PLAGL1: variants seen among roughly 807,000 people sequenced by gnomAD.
PLAGL1 encodes zinc finger protein PLAGL1.
A neutral mutation model predicts 4.6 loss-of-function variants in PLAGL1; 1 was observed. The ratio of observed to expected loss-of-function variants is 0.22; its 90% CI spans 0.08 to 1.03. The LOEUF (loss-of-function observed/expected upper bound fraction) is 1.03. Ranked by LOEUF, PLAGL1 falls within the 50% of genes least tolerant of loss-of-function variation. PLAGL1 has a pLI of 0.58. For synonymous variants in PLAGL1, 240 were observed against 237.8 expected (o/e 1.01, Z -0.08); for missense variants, 464 against 570.4 (o/e 0.81, Z 1.90).
chr6:143,971,216 G>A lies in PLAGL1; in HGVS notation c.-543-2238C>T, dbSNP rs1785360613. 6.6e-6 allele frequency among the ~76,000 whole-genome samples: 1 copy of A among 151,764 alleles called. No individual in the cohort carries two copies. ...TCTCAGAATCACATCCCGCTGACCC[G>A]ACGTTATTTGTACAACCCATACAAA... On this transcript the variant is annotated intron_variant, in intron 2 of 7. Coordinates refer to ENST00000674357, the MANE Select transcript of PLAGL1 (RefSeq NM_001317162.2). This position sits in a 1 kb window ranked among gnomAD's most constrained non-coding sequence, Gnocchi z 4.7.
Position 144,034,551 on chromosome 6 carries a change from G to A in PLAGL1, c.-151+29917C>T, listed in dbSNP as rs974189209. 2.0e-5 allele frequency among the ~76,000 whole-genome samples: 3 copies of A among 152,178 alleles called. No individual in the cohort carries two copies. Among genetic ancestry groups the A allele is most frequent in the African/African-American group, 4.8e-5 (2 of 41,438 alleles). The stretch of plus-strand genomic sequence containing the variant: ...GTTCAATAAATCATCTGCCAGAAAG[G>A]AAGTGTGCAGCTAATTCAGTCCTCC... On this transcript the variant is annotated intron_variant, in intron 1 of 3. Transcript: ENST00000437412. The surrounding 1 kb of genome is among the most constrained non-coding windows in gnomAD (Gnocchi z 4.7).
rs1485222656 is a variant in PLAGL1, at chr6:143,953,655, C to T, written c.-324-5195G>A. 6.6e-6 allele frequency among the ~76,000 whole-genome samples: 1 copy of T among 152,102 alleles called. No individual in the cohort carries two copies. Among genetic ancestry groups the T allele is most frequent in the Non-Finnish European group, 1.5e-5 (1 of 68,020 alleles). ...CTAAAACAGTAATAGTGGGATTTTT[C>T]TAAAACACAGCCTAATATAAAAGGG... On this transcript the variant is annotated intron_variant, in intron 6 of 7. Transcript: ENST00000674357. This position sits in a 1 kb window ranked among gnomAD's most constrained non-coding sequence, Gnocchi z 5.3.
At chr6:143,946,374 C>T (rs537287125) in intron 7 of PLAGL1, among the ~76,000 whole-genome samples, 18 of 152,176 alleles carry the variant, frequency 1.2e-4, no homozygotes, top group East Asian at 3.8e-4. Context: ...TTGCAGCCAG[C>T]GCTGCTCTCA....
Position 143,941,318 on chromosome 6 carries a change from C to T in PLAGL1, c.*106G>A, listed in dbSNP as rs906747462. On this transcript the variant is annotated 3_prime_UTR_variant, in exon 8 of 8. Coordinates refer to ENST00000674357, the MANE Select transcript of PLAGL1 (RefSeq NM_001317162.2). The surrounding 1 kb of genome is among the most constrained non-coding windows in gnomAD (Gnocchi z 6.0). Reference sequence around the variant, plus strand: ...CTCAAGCCAGTCATCACTGAATAAGCCATAGTCCCAGTCTCGTTTTCCAAA... The same window carrying T: ...CTCAAGCCAGTCATCACTGAATAAGTCATAGTCCCAGTCTCGTTTTCCAAA... The T allele has an allele frequency of 1.9e-5, 15 of 808,268 alleles. No individual in the cohort carries two copies. In the Admixed American group the frequency reaches 2.9e-4, roughly 15 times the overall value. 50.1% of individuals were successfully genotyped at this position (808,268 alleles called of 1,614,324 possible).
At chr6:143,993,331 AACACACACACACAC>A (rs746624620) in intron 1 of PLAGL1, among the ~76,000 whole-genome samples, 9 of 142,236 alleles carry the variant, frequency 6.3e-5, no homozygotes, top group Non-Finnish European at 1.1e-4. Context: ...AACAAAACAA[AACACACACACACAC>A]ACACACACAC....
chr6:144,031,645 T>C (rs1327406550), intron 1 of PLAGL1, among the ~76,000 whole-genome samples: 1 of 152,174 alleles, frequency 6.6e-6, no homozygotes, highest in African/African-American at 2.4e-5. Context: ...GCTTTGTCAA[T>C]GATCAGTTGA....
At chr6:144,011,511 G>A (rs558156623), upstream of PLAGL1, among the ~76,000 whole-genome samples, 9 of 152,234 alleles carry the variant, frequency 5.9e-5, no homozygotes, top group East Asian at 1.7e-3. The surrounding 1 kb of genome is among the most constrained non-coding windows in gnomAD (Gnocchi z 4.3). Context: ...TCTGGGCTAT[G>A]CCTCTGTGTC....
chr6:144,015,188 G>A lies in PLAGL1; in HGVS notation c.-150-46210C>T, dbSNP rs902879121. On this transcript the variant is annotated intron_variant, in intron 1 of 3. Coordinates refer to the PLAGL1 transcript ENST00000437412. The surrounding 1 kb of genome is among the most constrained non-coding windows in gnomAD (Gnocchi z 4.3). ...CAAAGACTTGGGATTTTTTAAAAAT[G>A]TAAAATATCCTATTAATTTTTATAT... Among the ~76,000 whole-genome samples, 11 of 152,100 alleles carry A rather than the reference G, an allele frequency of 7.2e-5. No homozygotes were observed. Among genetic ancestry groups the A allele is most frequent in the Non-Finnish European group, 1.2e-4 (8 of 68,012 alleles).
At position 144,004,322 on chromosome 6, in the gene PLAGL1, T is replaced by C. The variant is rs1401882821; in HGVS notation, c.-584+3768A>G. 6.6e-6 allele frequency among the ~76,000 whole-genome samples: 1 copy of C among 152,148 alleles called. No homozygotes were observed. Among genetic ancestry groups the C allele is most frequent in the African/African-American group, 2.4e-5 (1 of 41,430 alleles). On this transcript the variant is annotated intron_variant, in intron 1 of 7. Coordinates refer to ENST00000674357, the MANE Select transcript of PLAGL1 (RefSeq NM_001317162.2). This position sits in a 1 kb window ranked among gnomAD's most constrained non-coding sequence, Gnocchi z 4.2. ...TCAGCCTCTTGACTGGCTGGAATTATAGACAGGAGCCATGGAACACAGCCC... is the reference window on the plus strand; with the variant it reads ...TCAGCCTCTTGACTGGCTGGAATTACAGACAGGAGCCATGGAACACAGCCC...
chr6:144,043,482 G>A (rs544760364), intron 1 of PLAGL1, among the ~76,000 whole-genome samples: 6 of 152,148 alleles, frequency 3.9e-5, no homozygotes, highest in East Asian at 1.9e-4. Context: ...TACGTTTATC[G>A]ATTTGCATAT....
chr6:144,002,877 G>A (rs1793207179), intron 1 of PLAGL1, among the ~76,000 whole-genome samples: 2 of 108,166 alleles, frequency 1.8e-5, no homozygotes, highest in Admixed American at 1.1e-4. Flanking sequence ...TCAAAATTCT[G>A]GTAGGCTTTT....
At position 143,985,816 on chromosome 6, in the gene PLAGL1, C is replaced by G. The variant is rs1788890102; in HGVS notation, c.-583-642G>C. 6.6e-6 allele frequency among the ~76,000 whole-genome samples: 1 copy of G among 151,196 alleles called. No homozygotes were observed. Among genetic ancestry groups the G allele is most frequent in the Non-Finnish European group, 1.5e-5 (1 of 67,858 alleles). Reference sequence around the variant, plus strand: ...GAGTCAGAAATGTTGTCTGCACTCACAGATTCCATATTTTCAATATATTAC... The same window carrying G: ...GAGTCAGAAATGTTGTCTGCACTCAGAGATTCCATATTTTCAATATATTAC... On this transcript the variant is annotated intron_variant, in intron 1 of 7. Coordinates refer to ENST00000674357, the MANE Select transcript of PLAGL1 (RefSeq NM_001317162.2). This position sits in a 1 kb window ranked among gnomAD's most constrained non-coding sequence, Gnocchi z 4.4.
rs1376995539 is a variant in PLAGL1 at position 143,962,111 on chromosome 6, C to T, written c.-398-1569G>A. 2.0e-5 allele frequency among the ~76,000 whole-genome samples: 3 copies of T among 152,322 alleles called. No individual in the cohort carries two copies. Among genetic ancestry groups the T allele is most frequent in the Non-Finnish European group, 4.4e-5 (3 of 68,020 alleles). On this transcript the variant is annotated intron_variant, in intron 5 of 7. Transcript: ENST00000674357. The surrounding 1 kb of genome is among the most constrained non-coding windows in gnomAD (Gnocchi z 5.3). ...AGATCAAATCCCTCAGCTTTTCCCA[C>T]CTGCCATCTCTGCGCCAGTCTAATG...
Position 143,997,413 on chromosome 6 carries a change from G to A in PLAGL1, c.-584+10677C>T, listed in dbSNP as rs936089792. 1.3e-5 allele frequency among the ~76,000 whole-genome samples: 2 copies of A among 152,202 alleles called. No homozygotes were observed. The highest frequency in any genetic ancestry group is 4.8e-5 in the African/African-American group (2 of 41,442). On this transcript the variant is annotated intron_variant, in intron 1 of 7. Transcript: ENST00000674357. This position sits in a 1 kb window ranked among gnomAD's most constrained non-coding sequence, Gnocchi z 4.6. Reference sequence around the variant, plus strand: ...TATTTACAAAATGGATAAACAAATTGTGGTAATGGAGTCCTACTCAGAAAA... The same window carrying A: ...TATTTACAAAATGGATAAACAAATTATGGTAATGGAGTCCTACTCAGAAAA...
At chr6:143,977,089 C>A (rs573634147) in intron 2 of PLAGL1, among the ~76,000 whole-genome samples, 8 of 147,776 alleles carry the variant, frequency 5.4e-5, no homozygotes, top group Admixed American at 2.0e-4. Flanking sequence ...CCCTTCCCCC[C>A]CCCCAACACA....
Position 143,984,749 on chromosome 6 carries a change from G to A in PLAGL1, c.-544+386C>T, listed in dbSNP as rs13215728. Among the ~76,000 whole-genome samples the A allele has an allele frequency of 5.7e-3, 868 of 152,136 alleles. 2 individuals are homozygous for A. Among genetic ancestry groups the A allele is most frequent in the African/African-American group, 9.2e-3 (383 of 41,502 alleles). On this transcript the variant is annotated intron_variant, in intron 2 of 7. Coordinates refer to ENST00000674357, the MANE Select transcript of PLAGL1 (RefSeq NM_001317162.2). This position sits in a 1 kb window ranked among gnomAD's most constrained non-coding sequence, Gnocchi z 5.5. ...GTTTAGTATATTTCAATTCTCCTCC[G>A]TAAAAATGACACTTCATAGACTATT... is the stretch of plus-strand genomic sequence containing the variant.
intron 1 of PLAGL1, among the ~76,000 whole-genome samples, chr6:144,057,776 ATTT>A (rs60234022): frequency 0.13 from 17,537 of 137,116 alleles, 1,195 homozygotes; most frequent in Admixed American, 0.23. Flanking sequence ...ACGCCTCACC[ATTT>A]TTTTTTTTTT....
chr6:144,019,687 G>A (rs1306460544), intron 1 of PLAGL1, among the ~76,000 whole-genome samples: 1 of 151,612 alleles, frequency 6.6e-6, no homozygotes, highest in Non-Finnish European at 1.5e-5. Flanking sequence ...AAAATAAGTA[G>A]GCATTCTATA....
chr6:144,058,853 C>G (rs912469363), intron 1 of PLAGL1, among the ~76,000 whole-genome samples: 4 of 152,084 alleles, frequency 2.6e-5, no homozygotes, highest in African/African-American at 9.7e-5. Context: ...CATGGTACAG[C>G]CCCTGCAGCT....
Sources: allele counts gnomAD v4.1 joint callset (sites outside exome capture counted in the v4.1 genomes callset), GRCh38; gene constraint gnomAD v4.1.1; non-coding constraint Gnocchi (gnomAD v3.1); transcripts MANE v1.5; gene names NCBI Gene and HGNC (gene_info 2026-07-23, HGNC 2026-07-21).